The following ARHGAP10 variants were observed in gnomAD, a reference collection of about 807,000 sequenced individuals.
The protein encoded by ARHGAP10 is rho GTPase-activating protein 10.
ARHGAP10 carries 87 observed loss-of-function variants against 108.6 expected under a neutral mutation model. The ratio of observed to expected loss-of-function variants is 0.80; its 90% CI spans 0.67 to 0.96. The LOEUF (loss-of-function observed/expected upper bound fraction) is 0.96. ARHGAP10 is among the 40% of genes least tolerant of loss of function. The pLI is 0.00. For synonymous variants in ARHGAP10, 347 were observed against 341.1 expected (o/e 1.02, Z -0.19); for missense variants, 939 against 954.5 (o/e 0.98, Z 0.21).
rs532393829 is a variant in ARHGAP10, at chr4:147,895,457, A to G, written c.1035-11181A>G. On this transcript the variant is annotated intron_variant, in intron 10 of 22. Coordinates refer to ENST00000336498, the MANE Select transcript of ARHGAP10 (RefSeq NM_024605.4). ...AAAGCTGAGGCAGGAAGATCACTTG[A>G]GCTCAGGGTTAGAGACCAGCCTAGG... Among the ~76,000 whole-genome samples, 5 of 144,870 alleles carry G rather than the reference A, an allele frequency of 3.5e-5. No homozygotes were observed. The South Asian group carries it at 1.1e-3, about 32-fold the overall frequency.
At chr4:147,974,890 A>G (rs1004687836) in intron 18 of ARHGAP10, among the ~76,000 whole-genome samples, 3 of 152,122 alleles carry the variant, frequency 2.0e-5, no homozygotes, top group Non-Finnish European at 4.4e-5. Context: ...CCCCTTTATA[A>G]AACCATCAGA....
chr4:148,054,656 G>A (rs1374894875), intron 20 of ARHGAP10, among the ~76,000 whole-genome samples: 2 of 152,194 alleles, frequency 1.3e-5, no homozygotes, highest in Non-Finnish European at 2.9e-5. Context: ...GGACTCAGCT[G>A]GGGCTTCTCT....
At chr4:147,885,017 G>T (rs1277131761) in intron 10 of ARHGAP10, among the ~76,000 whole-genome samples, 2 of 152,114 alleles carry the variant, frequency 1.3e-5, no homozygotes, top group Non-Finnish European at 2.9e-5. Context: ...TGGTGGCAGT[G>T]GGGGTGGAGC....
chr4:148,027,272 A>G (rs1009653765), intron 19 of ARHGAP10, among the ~76,000 whole-genome samples: 3 of 152,236 alleles, frequency 2.0e-5, no homozygotes, highest in Non-Finnish European at 2.9e-5. Context: ...ATGATACAGC[A>G]GCTTATTTAG....
chr4:147,830,149 C>A (rs924821239), intron 3 of ARHGAP10, among the ~76,000 whole-genome samples: 1 of 152,196 alleles, frequency 6.6e-6, no homozygotes, highest in Non-Finnish European at 1.5e-5. Context: ...TTTTGAGACC[C>A]TTTTCTTTTT....
At chr4:147,856,348 G>A (rs1174165972) in intron 4 of ARHGAP10, among the ~76,000 whole-genome samples, 3 of 152,130 alleles carry the variant, frequency 2.0e-5, no homozygotes, top group Non-Finnish European at 4.4e-5. Context: ...CTATTGATAC[G>A]TATTTTAAAT....
chr4:147,907,255 G>C (rs891975870), intron 11 of ARHGAP10, among the ~76,000 whole-genome samples: 6 of 152,120 alleles, frequency 3.9e-5, no homozygotes, highest in African/African-American at 1.4e-4. Flanking sequence ...AGATCCAGAG[G>C]CACCAAGATT....
At chr4:147,904,534 C>T (rs1274091874) in intron 10 of ARHGAP10, among the ~76,000 whole-genome samples, 2 of 152,120 alleles carry the variant, frequency 1.3e-5, no homozygotes, top group Non-Finnish European at 2.9e-5. Context: ...TTTCCAATTT[C>T]ATCCATGTCC....
intron 4 of ARHGAP10, among the ~76,000 whole-genome samples, chr4:147,849,915 C>T (rs1044907819): frequency 9.9e-5 from 15 of 152,160 alleles, no homozygotes; most frequent in African/African-American, 3.4e-4. Flanking sequence ...TCAAAAAGCC[C>T]TTTTGCTATC....
intron 15 of ARHGAP10, among the ~76,000 whole-genome samples, chr4:147,951,837 G>A (rs1738614432): frequency 6.6e-6 from 1 of 152,070 alleles, no homozygotes; most frequent in South Asian, 2.1e-4. Flanking sequence ...GTAAGTTTCG[G>A]TAAGTTTGAT....
At chr4:147,889,520 G>A (rs1039855799) in intron 10 of ARHGAP10, among the ~76,000 whole-genome samples, 8 of 152,038 alleles carry the variant, frequency 5.3e-5, no homozygotes, top group Admixed American at 5.2e-4. Flanking sequence ...GGCTGGTCTT[G>A]AACTCCTGAC....
intron 16 of ARHGAP10, among the ~76,000 whole-genome samples, chr4:147,964,529 A>G (rs1739131615): frequency 6.6e-6 from 1 of 152,174 alleles, no homozygotes; most frequent in East Asian, 1.9e-4. Flanking sequence ...ATGTCATTAA[A>G]TCCCAAGTAC....
intron 5 of ARHGAP10, among the ~76,000 whole-genome samples, chr4:147,860,114 A>G (rs1221041423): frequency 2.0e-5 from 3 of 152,338 alleles, no homozygotes; most frequent in African/African-American, 7.2e-5. Flanking sequence ...TTAGAAACGT[A>G]CATAATTCAT....
At chr4:147,899,461 A>G (rs963522009) in intron 10 of ARHGAP10, among the ~76,000 whole-genome samples, 4 of 152,080 alleles carry the variant, frequency 2.6e-5, no homozygotes, top group African/African-American at 4.8e-5. Context: ...TTTGAAAAAC[A>G]ATGGTTTCAT....
rs758989882 is a variant in ARHGAP10, at chr4:147,966,824, T to G, written c.1701T>G (p.Ile567Met). ...AGAATATTGTTGTGGAAATCTTAAT[T>G]GAAAACCATGAAAAGGTAAAATTTT... The part of the protein sequence containing the change: ...KFQNIVVEIL[I>M]ENHEKIFRTP... Residue 567 changes from isoleucine to methionine, a missense_variant, in exon 18 of 23, where the codon ATT becomes ATG. Ile to Met is a conservative substitution (Grantham distance 10). Transcript: ENST00000336498. The G allele has an allele frequency of 6.4e-7, 1 of 1,572,034 alleles. No individual in the cohort carries two copies.
At chr4:147,993,175 G>A (rs1228265073) in intron 18 of ARHGAP10, among the ~76,000 whole-genome samples, 1 of 152,164 alleles carries the variant, frequency 6.6e-6, no homozygotes, top group Non-Finnish European at 1.5e-5. Context: ...TATTCTGTAA[G>A]TTTTTCTTGA....
intron 18 of ARHGAP10, among the ~76,000 whole-genome samples, chr4:147,993,606 G>C (rs1433086639): frequency 6.6e-6 from 1 of 152,190 alleles, no homozygotes; most frequent in Non-Finnish European, 1.5e-5. Flanking sequence ...CCAGTAGCAT[G>C]GTCTGGAGAT....
intron 1 of ARHGAP10, among the ~76,000 whole-genome samples, chr4:147,789,054 G>A (rs147651580): frequency 6.6e-6 from 1 of 152,308 alleles, no homozygotes; most frequent in East Asian, 1.9e-4. Flanking sequence ...CTGCAAGGTG[G>A]TGACTGCTTT....
chr4:147,827,962 C>T (rs1186261010), intron 3 of ARHGAP10, among the ~76,000 whole-genome samples: 5 of 152,070 alleles, frequency 3.3e-5, no homozygotes, highest in Non-Finnish European at 5.9e-5. Context: ...TGCGCCACCA[C>T]GCCCAGCTCA....
Sources: gnomAD v4.1 joint callset for allele counts (sites outside exome capture counted in the v4.1 genomes callset) on GRCh38, gnomAD v4.1.1 for gene constraint, MANE v1.5 for transcripts, NCBI Gene and HGNC (gene_info 2026-07-23, HGNC 2026-07-21) for gene names.